SFXN5: variants seen among roughly 807,000 people sequenced by gnomAD.
SFXN5 encodes the protein sideroflexin-5.
SFXN5 carries 43 observed loss-of-function variants against 50.2 expected under a neutral mutation model. The observed-to-expected ratio is 0.86, with a 90% CI of 0.67 to 1.11. The LOEUF (loss-of-function observed/expected upper bound fraction) is 1.11. Ranked by LOEUF, SFXN5 falls within the 50% of genes least tolerant of loss-of-function variation. SFXN5 has a pLI of 0.00. For synonymous variants in SFXN5, 203 were observed against 185.8 expected (o/e 1.09, Z -0.75); for missense variants, 463 against 454.1 (o/e 1.02, Z -0.18).
intron 2 of SFXN5, among the ~76,000 whole-genome samples, chr2:73,043,206 C>G (rs1679877069): frequency 6.6e-6 from 1 of 152,244 alleles, no homozygotes; most frequent in African/African-American, 2.4e-5. Flanking sequence ...AGAAACCCAG[C>G]GAAGCTGCTG....
chr2:73,048,586 T>C (rs1424221487), intron 2 of SFXN5, among the ~76,000 whole-genome samples: 1 of 152,238 alleles, frequency 6.6e-6, no homozygotes, highest in Non-Finnish European at 1.5e-5. Flanking sequence ...GGTTGGATGA[T>C]GAGCAGTTTT....
intron 6 of SFXN5, among the ~76,000 whole-genome samples, chr2:73,015,092 AT>A (rs932387779): frequency 6.6e-6 from 1 of 152,188 alleles, no homozygotes; most frequent in Non-Finnish European, 1.5e-5. Flanking sequence ...GGTTTAAATC[AT>A]TTTTTATAGA....
chr2:72,964,709 A>T (rs1674165723), intron 12 of SFXN5, among the ~76,000 whole-genome samples: 1 of 152,222 alleles, frequency 6.6e-6, no homozygotes. Flanking sequence ...ACCCGGGCTG[A>T]ACTTTTCTTC....
chr2:72,968,874 C>G (rs1200291079), intron 11 of SFXN5, among the ~76,000 whole-genome samples: 1 of 151,752 alleles, frequency 6.6e-6, no homozygotes, highest in Non-Finnish European at 1.5e-5. Context: ...GTGATCTCAG[C>G]TCACTTCAAC....
chr2:73,055,598 C>CTTTTTTTTTTTTTTT (rs570909541), intron 2 of SFXN5, among the ~76,000 whole-genome samples: 3 of 133,928 alleles, frequency 2.2e-5, no homozygotes, highest in Admixed American at 7.6e-5. Flanking sequence ...TTTTCTTTTT[C>CTTTTTTTTTTTTTTT]TTTTTTTTTT....
Position 72,943,964 on chromosome 2 carries a change from C to G in SFXN5, c.*1058G>C, listed in dbSNP as rs893606974. On this transcript the variant is annotated 3_prime_UTR_variant, in exon 14 of 14. Transcript: ENST00000272433. ...CTGCCATTTAGTGACAGAGCCAGGGCCCACTGCTCCTAGGTTGATGCTGCT... is the reference window on the plus strand; with the variant it reads ...CTGCCATTTAGTGACAGAGCCAGGGGCCACTGCTCCTAGGTTGATGCTGCT... 17 of 152,402 alleles carry G rather than the reference C, an allele frequency of 1.1e-4. No individual in the cohort carries two copies. The highest frequency in any genetic ancestry group is 3.6e-4 in the African/African-American group (15 of 41,578). The allele number at this position is 152,402 out of a possible 1,614,324, so 9.4% of individuals were successfully genotyped here. A position where few individuals can be genotyped will look rare whatever the true frequency, so the allele number is the denominator to read the frequency against.
At chr2:73,050,107 C>T (rs1160023976) in intron 2 of SFXN5, among the ~76,000 whole-genome samples, 1 of 152,164 alleles carries the variant, frequency 6.6e-6, no homozygotes, top group Non-Finnish European at 1.5e-5. Context: ...GTTAGGCCCC[C>T]AAGGCCTTGG....
intron 2 of SFXN5, among the ~76,000 whole-genome samples, chr2:73,055,453 A>G (rs1366508892): frequency 3.9e-5 from 6 of 152,236 alleles, no homozygotes; most frequent in Non-Finnish European, 8.8e-5. Context: ...TAATCTGATA[A>G]GTTAATGCAT....
intron 1 of SFXN5, among the ~76,000 whole-genome samples, chr2:73,061,844 A>G (rs536707215): frequency 4.6e-5 from 7 of 152,260 alleles, no homozygotes; most frequent in Admixed American, 4.6e-4. Context: ...AGCCAGTCAC[A>G]GTGGCTTGCT....
chr2:72,998,617 C>T (rs980275417), intron 9 of SFXN5: 7 of 317,156 alleles, frequency 2.2e-5, no homozygotes, highest in East Asian at 6.5e-5. Flanking sequence ...CCACCCCGCT[C>T]GCTCCAGCCA....
Position 72,971,578 on chromosome 2 carries a change from C to A in SFXN5, c.733G>T (p.Ala245Ser). Residue 245 changes from alanine to serine, a missense_variant, in exon 11 of 14, where the codon GCC (alanine) becomes TCC (serine). Ala to Ser is a moderately conservative substitution (Grantham distance 99, BLOSUM62 1). Coordinates refer to ENST00000272433, the MANE Select transcript of SFXN5 (RefSeq NM_144579.3). ...CGAACCCCCAGACCCACGTGTCGGG[C>A]TGCGATCTTGGAGGAGCCCACGAGG... ...GNLVGSSKIA[A>S]RHALLETALT... The A allele has an allele frequency of 6.2e-7, 1 of 1,613,734 alleles. No individual in the cohort carries two copies. Among genetic ancestry groups the A allele is most frequent in the Non-Finnish European group, 8.5e-7 (1 of 1,179,782 alleles).
At chr2:72,985,564 G>C (rs184699426) in intron 10 of SFXN5, among the ~76,000 whole-genome samples, 19 of 151,674 alleles carry the variant, frequency 1.3e-4, no homozygotes, top group Non-Finnish European at 1.3e-4. Context: ...GGAAGCCTGT[G>C]GGGGGGTGGG....
chr2:72,978,150 T>G (rs1032492851), intron 10 of SFXN5, among the ~76,000 whole-genome samples: 1 of 152,064 alleles, frequency 6.6e-6, no homozygotes, highest in Non-Finnish European at 1.5e-5. Flanking sequence ...GATATCCTCT[T>G]GCTCTCTCTT....
chr2:72,944,931 G>T lies in SFXN5; in HGVS notation c.*91C>A. 3.2e-6 allele frequency: 4 copies of T among 1,236,554 alleles called. No homozygotes were observed. The highest frequency in any genetic ancestry group is 2.5e-5 in the East Asian group (1 of 39,794). 76.6% of individuals were successfully genotyped at this position (1,236,554 alleles called of 1,614,324 possible). On this transcript the variant is annotated 3_prime_UTR_variant, in exon 14 of 14. Coordinates refer to ENST00000272433, the MANE Select transcript of SFXN5 (RefSeq NM_144579.3). The stretch of plus-strand genomic sequence containing the variant: ...GGCCCAGGACTGCTGGGGTTGGCGT[G>T]CTGCTCCCTGCAGGTGCAGCCGTGA...
At chr2:72,964,391 C>T (rs1421492672) in intron 12 of SFXN5, among the ~76,000 whole-genome samples, 2 of 152,254 alleles carry the variant, frequency 1.3e-5, no homozygotes, top group African/African-American at 4.8e-5. Context: ...TGGCACGGAC[C>T]CTGCAAAGAG....
intron 13 of SFXN5, among the ~76,000 whole-genome samples, chr2:72,954,762 G>A (rs1338819247): frequency 6.6e-6 from 1 of 152,212 alleles, no homozygotes; most frequent in Non-Finnish European, 1.5e-5. Flanking sequence ...GGCTCCCAGA[G>A]GGTGGCTCCC....
chr2:73,039,307 AT>A (rs1360454269), intron 3 of SFXN5, among the ~76,000 whole-genome samples: 3 of 152,220 alleles, frequency 2.0e-5, no homozygotes, highest in Admixed American at 2.0e-4. Context: ...GTATGACTGT[AT>A]TGAAAGGCCG....
intron 12 of SFXN5, among the ~76,000 whole-genome samples, chr2:72,965,695 C>A (rs1354142804): frequency 4.6e-5 from 7 of 152,178 alleles, no homozygotes; most frequent in African/African-American, 1.7e-4. Flanking sequence ...TTGAGGGGGA[C>A]AAGGAAACTT....
At chr2:73,065,001 G>A (rs1683071921) in intron 1 of SFXN5, among the ~76,000 whole-genome samples, 1 of 152,120 alleles carries the variant, frequency 6.6e-6, no homozygotes, top group African/African-American at 2.4e-5. Flanking sequence ...TGCCTGGACT[G>A]GTCTCAAACT....
Sources: allele counts gnomAD v4.1 joint callset (sites outside exome capture counted in the v4.1 genomes callset), GRCh38; gene constraint gnomAD v4.1.1; transcripts MANE v1.5; gene names NCBI Gene and HGNC (gene_info 2026-07-23, HGNC 2026-07-21).